PHKB: variants seen among roughly 807,000 people sequenced by gnomAD.
The protein encoded by PHKB is phosphorylase b kinase regulatory subunit beta.
PHKB carries 122 observed loss-of-function variants against 152.1 expected under a neutral mutation model. The ratio of observed to expected loss-of-function variants is 0.80; its 90% CI spans 0.69 to 0.93. The LOEUF (loss-of-function observed/expected upper bound fraction) is 0.93. Among genes scored for constraint, PHKB ranks in the 40% least tolerant of loss-of-function variants. The probability of loss-of-function intolerance (pLI) is 0.00; values close to 1 mark genes in which losing one functional copy is unlikely to be tolerated. For synonymous variants in PHKB, 436 were observed against 464.9 expected, an observed-to-expected ratio of 0.94 and a Z score of 0.80; for missense variants, 1,304 against 1,328.4, an observed-to-expected ratio of 0.98 and a Z score of 0.29.
At chr16:47,666,505 C>T (rs1216464166) in intron 25 of PHKB, among the ~76,000 whole-genome samples, 1 of 152,234 alleles carries the variant, frequency 6.6e-6, no homozygotes, top group Non-Finnish European at 1.5e-5. Flanking sequence ...CCCAGCTCCT[C>T]CCCATTCACC....
chr16:47,588,981 C>T lies in PHKB; in HGVS notation c.947C>T (p.Thr316Ile). Residue 316 changes from threonine (T) to isoleucine (I), a missense_variant, in exon 10 of 31, where the codon ACA becomes ATA. Coordinates refer to ENST00000323584, the MANE Select transcript of PHKB (RefSeq NM_000293.3). ...GATGATGAAGTTCTTTTTAGCCAGA[C>T]ACTTGATAAAGTGGTTAGAAAATTA... Reference protein sequence around the residue: ...ALDDEVLFSQTLDKVVRKLKG... With the variant: ...ALDDEVLFSQILDKVVRKLKG... The T allele has an allele frequency of 6.2e-7, 1 of 1,613,800 alleles. No homozygotes were observed. Among genetic ancestry groups the T allele is most frequent in the Non-Finnish European group, 8.5e-7 (1 of 1,179,742 alleles).
intron 6 of PHKB, among the ~76,000 whole-genome samples, chr16:47,518,469 G>C (rs1004018114): frequency 6.6e-6 from 1 of 152,148 alleles, no homozygotes; most frequent in African/African-American, 2.4e-5. Context: ...CTTTACAAAG[G>C]GGCAGTGAAC....
At chr16:47,557,051 C>G (rs1460262238) in intron 7 of PHKB, among the ~76,000 whole-genome samples, 1 of 152,130 alleles carries the variant, frequency 6.6e-6, no homozygotes, top group Non-Finnish European at 1.5e-5. Flanking sequence ...ATCAATGGAA[C>G]AGAACAGAGC....
At chr16:47,629,306 T>C (rs1341801219) in intron 14 of PHKB, among the ~76,000 whole-genome samples, 1 of 151,800 alleles carries the variant, frequency 6.6e-6, no homozygotes, top group Non-Finnish European at 1.5e-5. Context: ...GAATCTACAA[T>C]GAACTCAAAC....
At chr16:47,607,390 A>G (rs1207246207) in intron 13 of PHKB, among the ~76,000 whole-genome samples, 5 of 152,068 alleles carry the variant, frequency 3.3e-5, no homozygotes. Context: ...CTCTAATTCT[A>G]TAGATTTGCC....
At chr16:47,678,634 A>C (rs575607520) in intron 26 of PHKB, among the ~76,000 whole-genome samples, 1,597 of 151,104 alleles carry the variant, frequency 0.011, 27 homozygotes, top group African/African-American at 0.035. Flanking sequence ...TTTTTCTTGT[A>C]AATTTGTTTG....
intron 14 of PHKB, among the ~76,000 whole-genome samples, chr16:47,631,484 CT>C (rs748135553): frequency 4.6e-5 from 7 of 152,240 alleles, no homozygotes; most frequent in Non-Finnish European, 1.0e-4. Flanking sequence ...TGAGATAACT[CT>C]TTTTTTATTG....
At chr16:47,600,685 T>C (rs1972206981) in intron 13 of PHKB, among the ~76,000 whole-genome samples, 1 of 152,246 alleles carries the variant, frequency 6.6e-6, no homozygotes, top group African/African-American at 2.4e-5. Flanking sequence ...CATGTTACTA[T>C]ACTGAGTACT....
Position 47,499,627 on chromosome 16 carries a change from T to C in PHKB, c.167-129T>C. 1.4e-5 allele frequency: 15 copies of C among 1,047,240 alleles called. No individual in the cohort carries two copies. The South Asian group carries it at 1.5e-4, about 11-fold the overall frequency. 64.9% of individuals were successfully genotyped at this position (1,047,240 alleles called of 1,614,324 possible). On this transcript the variant is annotated intron_variant, in intron 2 of 30. Transcript: ENST00000323584. ...AGTTGTTTCCACATCTTCAGAAGTA[T>C]TGTACTATAGCAAGTTTAGAAACAA...
chr16:47,675,070 G>T (rs1174083085), intron 26 of PHKB, among the ~76,000 whole-genome samples: 2 of 152,198 alleles, frequency 1.3e-5, no homozygotes. Context: ...TTTTCTAGGT[G>T]CTTGCCCTTT....
intron 14 of PHKB, 104 bp from the exon 15 acceptor site, chr16:47,640,931 A>G (rs1973007525): frequency 4.6e-6 from 5 of 1,088,376 alleles, no homozygotes. Context: ...CCATCATTTT[A>G]ATGAACTGCT....
chr16:47,579,134 C>T (rs2151692000), intron 7 of PHKB, among the ~76,000 whole-genome samples: 1 of 152,218 alleles, frequency 6.6e-6, no homozygotes. Context: ...AATGTCCAAG[C>T]TTCTTGGTTG....
chr16:47,634,671 G>A (rs556452420), intron 14 of PHKB, among the ~76,000 whole-genome samples: 1 of 152,274 alleles, frequency 6.6e-6, no homozygotes, highest in African/African-American at 2.4e-5. Context: ...CTGCAACCTG[G>A]AGGAGAAAAC....
At chr16:47,494,993 T>G (rs1485323522) in intron 1 of PHKB, among the ~76,000 whole-genome samples, 1 of 152,222 alleles carries the variant, frequency 6.6e-6, no homozygotes, top group East Asian at 1.9e-4. Context: ...ATCACTAAAA[T>G]AATAACATTT....
intron 4 of PHKB, among the ~76,000 whole-genome samples, chr16:47,510,677 A>G (rs958734146): frequency 1.3e-5 from 2 of 152,188 alleles, no homozygotes; most frequent in Non-Finnish European, 2.9e-5. Flanking sequence ...TGAGGGTTCA[A>G]AAAGTATAAA....
chr16:47,667,267 C>CA (rs921743769), intron 25 of PHKB, among the ~76,000 whole-genome samples: 24 of 149,352 alleles, frequency 1.6e-4, no homozygotes, highest in African/African-American at 3.4e-4. Context: ...CCTATCTCTG[C>CA]AAAAAAAAGA....
chr16:47,566,330 A>G (rs1971566499), intron 7 of PHKB: 7 of 1,346,466 alleles, frequency 5.2e-6, no homozygotes, highest in Admixed American at 3.4e-5. Flanking sequence ...CATAATCCCC[A>G]TTTCTATCAC....
chr16:47,470,406 C>T (rs1044990813), intron 1 of PHKB, among the ~76,000 whole-genome samples: 3 of 152,206 alleles, frequency 2.0e-5, no homozygotes, highest in East Asian at 1.9e-4. Flanking sequence ...TGCCTTTAAG[C>T]GGTTTTAGGC....
At chr16:47,590,462 T>C (rs1365613085) in intron 10 of PHKB, 1 of 152,166 alleles carries the variant, frequency 6.6e-6, no homozygotes, top group East Asian at 1.9e-4. Context: ...AACCATTTTA[T>C]TGTGTGCACT....
Sources: gnomAD v4.1 joint callset for allele counts (sites outside exome capture counted in the v4.1 genomes callset) on GRCh38, gnomAD v4.1.1 for gene constraint, MANE v1.5 for transcripts, NCBI Gene and HGNC (gene_info 2026-07-23, HGNC 2026-07-21) for gene names.